Variants in IFT43 observed in about 807,000 individuals in gnomAD.
The protein encoded by IFT43 is intraflagellar transport 43.
Under a neutral mutation model 32.3 loss-of-function variants are expected in IFT43, and 33 were observed. The ratio of observed to expected loss-of-function variants is 1.02; its 90% CI spans 0.77 to 1.37. The LOEUF (loss-of-function observed/expected upper bound fraction) is 1.37, where lower values mean the gene tolerates loss of function less well. Among genes scored for constraint, IFT43 ranks in the 40% most tolerant of loss-of-function variants. The pLI is 0.00. For missense variants in IFT43, 274 were observed against 265.9 expected, an observed-to-expected ratio of 1.03 and a Z score of -0.21; for synonymous variants, 93 against 98.2, an observed-to-expected ratio of 0.95 and a Z score of 0.31.
chr14:76,048,188 C>T (rs945137957), intron 3 of IFT43, among the ~76,000 whole-genome samples: 1 of 152,208 alleles, frequency 6.6e-6, no homozygotes, highest in Non-Finnish European at 1.5e-5. Flanking sequence ...AGGCCATGCA[C>T]TATACTATTT....
intron 5 of IFT43, among the ~76,000 whole-genome samples, chr14:76,064,030 G>T (rs1438544464): frequency 6.6e-6 from 1 of 152,054 alleles, no homozygotes; most frequent in Non-Finnish European, 1.5e-5. Context: ...GGGGATGGGG[G>T]GCAATAAAGA....
chr14:75,994,066 C>T (rs188755208), intron 2 of IFT43, among the ~76,000 whole-genome samples: 4 of 151,120 alleles, frequency 2.6e-5, no homozygotes, highest in Admixed American at 1.3e-4. Flanking sequence ...TCAAAAATGA[C>T]ATGTCAATTT....
chr14:76,049,457 G>GT (rs11326962), intron 3 of IFT43, among the ~76,000 whole-genome samples: 3,554 of 148,502 alleles, frequency 0.024, 54 homozygotes, highest in Middle Eastern at 0.042. Context: ...AAAGCTGTGT[G>GT]TTTTTTTTTT....
At chr14:75,999,281 A>ATATTTT (rs1566699821) in intron 2 of IFT43, among the ~76,000 whole-genome samples, 17 of 39,050 alleles carry the variant, frequency 4.4e-4, no homozygotes, top group South Asian at 9.4e-4. Context: ...ATGTATATAT[A>ATATTTT]TTTTTTTTTT....
chr14:76,071,911 A>AC (rs569612638), intron 5 of IFT43, among the ~76,000 whole-genome samples: 3 of 150,570 alleles, frequency 2.0e-5, no homozygotes, highest in Non-Finnish European at 3.0e-5. Flanking sequence ...GTGTCTCCTA[A>AC]CCCCCCCTGC....
At chr14:76,034,200 C>T (rs2036557957) in intron 3 of IFT43, among the ~76,000 whole-genome samples, 1 of 152,134 alleles carries the variant, frequency 6.6e-6, no homozygotes, top group Admixed American at 6.5e-5. Context: ...ACCTTTATTT[C>T]TCATGATTCT....
chr14:76,081,058 C>T (rs537682039), intron 5 of IFT43, among the ~76,000 whole-genome samples: 3 of 152,296 alleles, frequency 2.0e-5, no homozygotes, highest in East Asian at 1.9e-4. Flanking sequence ...TTTGCATGCT[C>T]TCTTTTTCCA....
At chr14:76,046,598 A>G (rs556273328) in intron 3 of IFT43, among the ~76,000 whole-genome samples, 79 of 152,330 alleles carry the variant, frequency 5.2e-4, no homozygotes, top group Middle Eastern at 3.4e-3. Flanking sequence ...GACAACCATC[A>G]CCACAATAAT....
chr14:76,057,179 G>A (rs1014389150), intron 3 of IFT43, among the ~76,000 whole-genome samples: 3 of 152,076 alleles, frequency 2.0e-5, no homozygotes, highest in Admixed American at 6.6e-5. Flanking sequence ...TCCATGGAAA[G>A]CAGTCTATTT....
chr14:76,058,255 C>CA, intron 3 of IFT43: 1 of 261,122 alleles, frequency 3.8e-6, no homozygotes, highest in Non-Finnish European at 7.4e-6. Context: ...TTGCAAGTCG[C>CA]AAGTGCTGAC....
At chr14:75,995,951 G>A (rs1053412874) in intron 2 of IFT43, among the ~76,000 whole-genome samples, 4 of 152,196 alleles carry the variant, frequency 2.6e-5, no homozygotes, top group Non-Finnish European at 4.4e-5. Context: ...GGGGCCGGCC[G>A]CTGTGTGGGA....
At chr14:76,049,486 A>G (rs74910258) in intron 3 of IFT43, among the ~76,000 whole-genome samples, 4,613 of 150,358 alleles carry the variant, frequency 0.031, 166 homozygotes, top group East Asian at 0.11. Flanking sequence ...TTATTTCCCT[A>G]TGGCTGGTGA....
intron 4 of IFT43, 156 bp from the exon 5 acceptor site, chr14:76,059,171 C>G: frequency 1.3e-6 from 2 of 1,563,692 alleles, no homozygotes. Flanking sequence ...ACGGCACACC[C>G]AGTGGCCTAA....
intron 3 of IFT43, among the ~76,000 whole-genome samples, chr14:76,037,556 T>G (rs990742870): frequency 6.6e-6 from 1 of 152,228 alleles, no homozygotes; most frequent in African/African-American, 2.4e-5. Flanking sequence ...CCTTTTTCTC[T>G]TAGTATTTTT....
intron 2 of IFT43, among the ~76,000 whole-genome samples, chr14:75,997,115 C>T (rs546346763): frequency 2.6e-5 from 4 of 152,178 alleles, no homozygotes; most frequent in African/African-American, 9.6e-5. Context: ...TAGAAATTAG[C>T]CAAGAGAAGA....
intron 3 of IFT43, among the ~76,000 whole-genome samples, chr14:76,047,157 T>G (rs2036822624): frequency 6.6e-6 from 1 of 152,156 alleles, no homozygotes; most frequent in South Asian, 2.1e-4. Context: ...CAACATCAGT[T>G]TTGGAGGGGC....
At chr14:75,987,722 A>T (rs1254903904) in intron 1 of IFT43, among the ~76,000 whole-genome samples, 1 of 152,228 alleles carries the variant, frequency 6.6e-6, no homozygotes, top group Non-Finnish European at 1.5e-5. Context: ...CTGACTAAAT[A>T]AAGTTTTGTT....
chr14:76,047,925 A>C (rs2036840886), intron 3 of IFT43, among the ~76,000 whole-genome samples: 1 of 152,046 alleles, frequency 6.6e-6, no homozygotes, highest in African/African-American at 2.4e-5. Context: ...GTGATCATTC[A>C]CAGAGCTGGG....
rs764742311 is a variant in IFT43 at position 76,083,442 on chromosome 14, A to T, written c.508-16A>T. 26 of 1,614,126 alleles carry T rather than the reference A, an allele frequency of 1.6e-5. No homozygotes were observed. The highest frequency in any genetic ancestry group is 2.1e-5 in the Non-Finnish European group (25 of 1,180,036). ...AGGCCTTTCTTTGTCTTACCCAGCG[A>T]AACCCTTCTTGGCAGGATGATGTCG... On this transcript the variant is annotated splice_polypyrimidine_tract_variant and intron_variant, in intron 8 of 8. Transcript: ENST00000314067.
Sources: allele counts gnomAD v4.1 joint callset (sites outside exome capture counted in the v4.1 genomes callset), GRCh38; gene constraint gnomAD v4.1.1; transcripts MANE v1.5; gene names NCBI Gene and HGNC (gene_info 2026-07-23, HGNC 2026-07-21).